Variants in DCUN1D4 observed in about 807,000 individuals in gnomAD.
The protein encoded by DCUN1D4 is defective in cullin neddylation 1 domain containing 4, also known as DCN1-like protein 4.
DCUN1D4 carries 22 observed loss-of-function variants against 47.9 expected under a neutral mutation model. The ratio of observed to expected loss-of-function variants is 0.46; its 90% confidence interval spans 0.33 to 0.66. The LOEUF is 0.66. Among genes scored for constraint, DCUN1D4 ranks in the 30% least tolerant of loss-of-function variants. The probability of loss-of-function intolerance (pLI) is 0.02; values close to 1 mark genes in which losing one functional copy is unlikely to be tolerated. For synonymous variants in DCUN1D4, 121 were observed against 112.2 expected (o/e 1.08, Z -0.50); for missense variants, 301 against 340.8 (o/e 0.88, Z 0.92).
chr4:51,846,923 G>A (rs1722639832), intron 1 of DCUN1D4, among the ~76,000 whole-genome samples: 1 of 152,192 alleles, frequency 6.6e-6, no homozygotes, highest in Non-Finnish European at 1.5e-5. Context: ...GGATTGGAAA[G>A]CAGGGAAGGA....
intron 1 of DCUN1D4, 104 bp from the exon 2 acceptor site, chr4:51,863,333 G>A (rs915483957): frequency 8.9e-6 from 8 of 901,202 alleles, no homozygotes; most frequent in Admixed American, 7.7e-5. Flanking sequence ...CAAATTAATT[G>A]AGATAGTATT....
At chr4:51,900,583 T>C (rs1475261757) in intron 8 of DCUN1D4, among the ~76,000 whole-genome samples, 1 of 151,954 alleles carries the variant, frequency 6.6e-6, no homozygotes, top group Non-Finnish European at 1.5e-5. Flanking sequence ...AATAAAAAAA[T>C]TTAAAAATTA....
chr4:51,837,902 C>T, the DCUN1D4 span, among the ~76,000 whole-genome samples: 1 of 152,080 alleles, frequency 6.6e-6, no homozygotes, highest in Non-Finnish European at 1.5e-5. Flanking sequence ...TAGGGCCAGG[C>T]ACTATTGCTC....
intron 3 of DCUN1D4, 144 bp from the exon 4 acceptor site, chr4:51,874,127 A>T (rs1727310347): frequency 2.1e-6 from 1 of 465,780 alleles, no homozygotes; most frequent in Non-Finnish European, 3.7e-6. Flanking sequence ...TCAAAAAGGA[A>T]CTAAAAACCC....
chr4:51,837,709 T>A, the DCUN1D4 span, among the ~76,000 whole-genome samples: 1 of 132,418 alleles, frequency 7.6e-6, no homozygotes, highest in African/African-American at 2.8e-5. Flanking sequence ...TTAGAAATAA[T>A]TTACAAATAA....
intron 7 of DCUN1D4, among the ~76,000 whole-genome samples, chr4:51,895,859 A>G (rs909106946): frequency 6.6e-6 from 1 of 152,124 alleles, no homozygotes; most frequent in Non-Finnish European, 1.5e-5. Flanking sequence ...ACATTTTTTT[A>G]TACATGGTAC....
At chr4:51,860,593 AC>A in intron 1 of DCUN1D4, 1 of 455,610 alleles carries the variant, frequency 2.2e-6, no homozygotes, top group South Asian at 1.5e-5. Flanking sequence ...AGAGAGTCTT[AC>A]AATCGTGGAG....
intron 7 of DCUN1D4, among the ~76,000 whole-genome samples, chr4:51,896,674 A>G (rs761205630): frequency 1.3e-5 from 2 of 151,930 alleles, no homozygotes; most frequent in Non-Finnish European, 2.9e-5. Context: ...ACTCCTGTTT[A>G]CTGCTTTCTT....
At chr4:51,906,340 G>T (rs1223914799) in intron 8 of DCUN1D4, among the ~76,000 whole-genome samples, 2 of 152,116 alleles carry the variant, frequency 1.3e-5, no homozygotes, top group Non-Finnish European at 2.9e-5. Context: ...AATGATTAGG[G>T]ATGTTACTCA....
chr4:51,846,608 G>T (rs1277206101), intron 1 of DCUN1D4, among the ~76,000 whole-genome samples: 2 of 152,116 alleles, frequency 1.3e-5, no homozygotes, highest in Non-Finnish European at 2.9e-5. Context: ...TAATAATCCT[G>T]CTAACTTAGC....
chr4:51,844,668 C>T (rs556887054), intron 1 of DCUN1D4, among the ~76,000 whole-genome samples: 8 of 151,256 alleles, frequency 5.3e-5, no homozygotes, highest in African/African-American at 1.9e-4. Context: ...GCCCCACGCC[C>T]GGGGGGCGCG....
In DCUN1D4 at chr4:51,915,346, C is replaced by A. The variant is rs1734229928; in HGVS notation, c.*1762C>A. 6.6e-6 allele frequency: 1 copy of A among 152,454 alleles called. No homozygotes were observed. The highest frequency in any genetic ancestry group is 6.6e-5 in the Admixed American group (1 of 15,244). 9.4% of individuals were successfully genotyped at this position (152,454 alleles called of 1,614,324 possible). A position where few individuals can be genotyped will look rare whatever the true frequency, so the allele number is the denominator to read the frequency against. ...TGAAATAAACCAGAAGTTTAAAAAACCCTGTAGTGATTAAGCATACTTAAC... is the reference window on the plus strand; with the variant it reads ...TGAAATAAACCAGAAGTTTAAAAAAACCTGTAGTGATTAAGCATACTTAAC... On this transcript the variant is annotated 3_prime_UTR_variant, in exon 11 of 11. Transcript: ENST00000334635.
chr4:51,862,772 G>T (rs1213088279), intron 1 of DCUN1D4, among the ~76,000 whole-genome samples: 1 of 152,074 alleles, frequency 6.6e-6, no homozygotes, highest in Non-Finnish European at 1.5e-5. Context: ...ATTTTGGGAG[G>T]CTGAGGCAGG....
At chr4:51,910,947 C>CT (rs1235817475) in intron 8 of DCUN1D4, 123 bp from the exon 9 acceptor site, 1 of 938,044 alleles carries the variant, frequency 1.1e-6, no homozygotes, top group Non-Finnish European at 1.7e-6. Context: ...GATGCAGGGT[C>CT]TTTAAGGTGT....
chr4:51,913,788 T>C lies in DCUN1D4; in HGVS notation c.*204T>C, dbSNP rs895514738. ...TTGGAAGGCTGCTTTGCAGTTTGTA[T>C]TTACACTACAGATTGGTGAATTTGC... On this transcript the variant is annotated 3_prime_UTR_variant, in exon 11 of 11. Transcript: ENST00000334635. 21 of 516,654 alleles carry C rather than the reference T, an allele frequency of 4.1e-5. No homozygotes were observed. The highest frequency in any genetic ancestry group is 6.5e-5 in the Non-Finnish European group (19 of 293,050). The allele number at this position is 516,654 out of a possible 1,614,324, so 32.0% of individuals were successfully genotyped here.
chr4:51,859,017 A>G (rs1218813908), intron 1 of DCUN1D4, among the ~76,000 whole-genome samples: 1 of 152,196 alleles, frequency 6.6e-6, no homozygotes, highest in African/African-American at 2.4e-5. Flanking sequence ...ATTTCTTGGC[A>G]GGCCTAACAT....
intron 1 of DCUN1D4, among the ~76,000 whole-genome samples, chr4:51,848,884 G>C (rs141763911): frequency 2.7e-4 from 41 of 152,162 alleles, no homozygotes; most frequent in African/African-American, 9.9e-4. Flanking sequence ...ATATGAAAAA[G>C]ACCCCTGCCC....
chr4:51,900,245 A>C (rs1188967629), intron 8 of DCUN1D4, among the ~76,000 whole-genome samples: 1 of 151,214 alleles, frequency 6.6e-6, no homozygotes, highest in Non-Finnish European at 1.5e-5. Flanking sequence ...TTCAGCACCA[A>C]AGGTTTATTT....
At position 51,897,947 on chromosome 4, in the gene DCUN1D4, A is replaced by C. The variant is rs79379723; in HGVS notation, c.507-1323A>C. On this transcript the variant is annotated intron_variant, in intron 7 of 10. Transcript: ENST00000334635. ...TCTTCTTTATAGAAGAATTATAGCC[A>C]ATAAATGTAGAAGGAATGATAGGAT... Among the ~76,000 whole-genome samples the C allele has an allele frequency of 7.9e-3, 1,207 of 152,376 alleles. 15 individuals carry two copies. The highest frequency in any genetic ancestry group is 0.028 in the African/African-American group (1,144 of 41,584).
Sources: gnomAD v4.1 joint callset for allele counts (sites outside exome capture counted in the v4.1 genomes callset) on GRCh38, gnomAD v4.1.1 for gene constraint, MANE v1.5 for transcripts, NCBI Gene and HGNC (gene_info 2026-07-23, HGNC 2026-07-21) for gene names.